The following JHY variants were observed in gnomAD, a reference collection of about 807,000 sequenced individuals.
JHY encodes jhy protein homolog.
In JHY, 69 loss-of-function variants were observed where a neutral mutation model predicts 78.0. The ratio of observed to expected loss-of-function variants is 0.88; its 90% CI spans 0.73 to 1.08. The LOEUF is 1.08. Ranked by LOEUF, JHY falls within the 50% of genes least tolerant of loss-of-function variation. The pLI, the probability that JHY is intolerant of heterozygous loss-of-function variation, is 0.00. For missense variants in JHY, 944 were observed against 927.8 expected (o/e 1.02, Z -0.23); for synonymous variants, 368 against 342.6 (o/e 1.07, Z -0.82).
chr11:122,952,067 A>G (rs951382350), intron 6 of JHY, among the ~76,000 whole-genome samples: 5 of 151,934 alleles, frequency 3.3e-5, no homozygotes, highest in African/African-American at 9.7e-5. Flanking sequence ...AAATCAAAGT[A>G]AATTCTGGGG....
chr11:122,952,679 C>T (rs1436205243), intron 6 of JHY, among the ~76,000 whole-genome samples: 4 of 152,160 alleles, frequency 2.6e-5, no homozygotes, highest in Admixed American at 6.5e-5. Flanking sequence ...ATTCATGCAT[C>T]ACAATGTGTC....
intron 3 of JHY, among the ~76,000 whole-genome samples, chr11:122,914,526 C>CT (rs1453429565): frequency 1.3e-5 from 2 of 152,120 alleles, no homozygotes; most frequent in Non-Finnish European, 2.9e-5. Context: ...CTCACTGCAA[C>CT]TTCCGCTTCC....
intron 3 of JHY, chr11:122,905,057 C>G (rs1245060703): frequency 4.8e-6 from 4 of 840,230 alleles, no homozygotes; most frequent in Non-Finnish European, 7.6e-6. Context: ...CTATAAACCC[C>G]ATTGAAAATC....
At chr11:122,957,650 C>T (rs1864221354) in intron 8 of JHY, among the ~76,000 whole-genome samples, 159 bp downstream of exon 8, 1 of 150,576 alleles carries the variant, frequency 6.6e-6, no homozygotes, top group Non-Finnish European at 1.5e-5. Flanking sequence ...CAAACTAAGC[C>T]TCCCCAAGTG....
intron 5 of JHY, among the ~76,000 whole-genome samples, chr11:122,937,307 C>G (rs536695097): frequency 1.2e-3 from 174 of 146,562 alleles, no homozygotes; most frequent in African/African-American, 4.2e-3. Flanking sequence ...TTAATTCTCT[C>G]TGTACATATA....
At chr11:122,958,790 A>G (rs1383200365) in intron 8 of JHY, 1 of 984,660 alleles carries the variant, frequency 1.0e-6, no homozygotes, top group Non-Finnish European at 1.2e-6. Flanking sequence ...GATCCTAGGA[A>G]CAAGAATAGC....
rs1862417969 is a variant in JHY at position 122,883,114 on chromosome 11, T to G, written c.-90+142T>G. On this transcript the variant is annotated intron_variant, in intron 1 of 8. Coordinates refer to ENST00000227349, the MANE Select transcript of JHY (RefSeq NM_024806.4). This position sits in a 1 kb window ranked among gnomAD's most constrained non-coding sequence, Gnocchi z 4.4. The stretch of plus-strand genomic sequence containing the variant: ...CGGCGCGGGAGCCTTCGGGACGGAG[T>G]GGGGAGCGACAAGGGGGCGAGGCCG... 1 of 151,504 alleles carries G rather than the reference T, an allele frequency of 6.6e-6. No homozygotes were observed. Among genetic ancestry groups the G allele is most frequent in the Non-Finnish European group, 1.5e-5 (1 of 68,282 alleles). The allele number at this position is 151,504 out of a possible 1,614,324, so 9.4% of individuals were successfully genotyped here.
In JHY at chr11:122,963,726, C is replaced by T. The variant is rs1864357101; in HGVS notation, c.*4281C>T. 6.6e-6 allele frequency among the ~76,000 whole-genome samples: 1 copy of T among 152,052 alleles called. No homozygotes were observed. The highest frequency in any genetic ancestry group is 6.5e-5 in the Admixed American group (1 of 15,270). ...AAAAAATAATCTGCCAATTAGAAAA[C>T]AAAAAACTTCAAACTTAAGTGATGT... On this transcript the variant is annotated 3_prime_UTR_variant, in exon 9 of 9. Transcript: ENST00000227349.
At chr11:122,918,214 T>C (rs1395045573) in intron 3 of JHY, among the ~76,000 whole-genome samples, 3 of 151,490 alleles carry the variant, frequency 2.0e-5, no homozygotes, top group Admixed American at 2.0e-4. Flanking sequence ...CATACATTTA[T>C]TGAGAGATGA....
At chr11:122,924,827 G>A in intron 3 of JHY, 70 bp from the exon 4 acceptor site, 9 of 1,250,980 alleles carry the variant, frequency 7.2e-6, no homozygotes, top group Non-Finnish European at 1.2e-6. Context: ...AGAGTGCACA[G>A]ACTTGAGTCC....
intron 2 of JHY, among the ~76,000 whole-genome samples, chr11:122,897,310 G>A (rs932362472): frequency 2.0e-5 from 3 of 151,666 alleles, no homozygotes; most frequent in African/African-American, 4.8e-5. Flanking sequence ...CTGAAGTTTC[G>A]ACCTCCTGGG....
rs113958711 is a variant in JHY at position 122,934,376 on chromosome 11, G to C, written c.979-44G>C. 7.6e-5 allele frequency: 84 copies of C among 1,106,158 alleles called. No homozygotes were observed. In the African/African-American group the frequency reaches 1.1e-3, roughly 15 times the overall value. The allele number at this position is 1,106,158 out of a possible 1,614,324, so 68.5% of individuals were successfully genotyped here. On this transcript the variant is annotated intron_variant, in intron 4 of 8. Transcript: ENST00000227349. Reference sequence around the variant, plus strand: ...AATAATAAAATAAAATTTGTGAAGAGTGCCAGTCTTCTAATTTTACATTAA... The same window carrying C: ...AATAATAAAATAAAATTTGTGAAGACTGCCAGTCTTCTAATTTTACATTAA...
intron 2 of JHY, among the ~76,000 whole-genome samples, chr11:122,886,779 C>T (rs904880999): frequency 3.9e-5 from 6 of 152,036 alleles, no homozygotes; most frequent in African/African-American, 9.7e-5. Context: ...CACTTTTTCT[C>T]GTCTGTCAAA....
intron 3 of JHY, among the ~76,000 whole-genome samples, chr11:122,916,330 T>C (rs1863233702): frequency 6.6e-6 from 1 of 152,192 alleles, no homozygotes; most frequent in South Asian, 2.1e-4. Context: ...AATACAATTT[T>C]GTTTTAAATT....
intron 3 of JHY, 123 bp downstream of exon 3, chr11:122,904,567 A>G: frequency 1.8e-6 from 2 of 1,105,352 alleles, no homozygotes; most frequent in South Asian, 3.1e-5. Context: ...AGCTGGGTAA[A>G]ACAAACGCTT....
At position 122,935,205 on chromosome 11, in the gene JHY, C is replaced by G. The variant is rs73013697; in HGVS notation, c.1634+130C>G. 8.1e-3 allele frequency: 5,997 copies of G among 740,288 alleles called. 52 individuals are homozygous for G. Among genetic ancestry groups the G allele is most frequent in the Non-Finnish European group, 8.2e-3 (3,948 of 479,888 alleles). 45.9% of individuals were successfully genotyped at this position (740,288 alleles called of 1,614,324 possible). ...GTGAGAAGAAGAGTTCACCTAACAA[C>G]TTCCTTAGCTCTGATTCCTGCCTCA... On this transcript the variant is annotated intron_variant, in intron 5 of 8. Coordinates refer to ENST00000227349, the MANE Select transcript of JHY (RefSeq NM_024806.4). The surrounding 1 kb of genome is among the most constrained non-coding windows in gnomAD (Gnocchi z 4.5).
At chr11:122,946,127 G>T (rs60440590) in intron 5 of JHY, among the ~76,000 whole-genome samples, 1 of 152,020 alleles carries the variant, frequency 6.6e-6, no homozygotes, top group Non-Finnish European at 1.5e-5. Flanking sequence ...CCTTTTGTTC[G>T]TTTTGGTCTT....
Position 122,898,535 on chromosome 11 carries a change from T to C in JHY, c.345-5390T>C, listed in dbSNP as rs3107623. ...AAACATTCCCTAGATCATCAAACAG[T>C]AACACGTGCTCCCTTTCCACATCCC... On this transcript the variant is annotated intron_variant, in intron 2 of 8. Transcript: ENST00000227349. The surrounding 1 kb of genome is among the most constrained non-coding windows in gnomAD (Gnocchi z 4.4). Among the ~76,000 whole-genome samples, 5,239 of 152,276 alleles carry C rather than the reference T, an allele frequency of 0.034. 398 individuals are homozygous for C. The highest frequency in any genetic ancestry group is 0.33 in the East Asian group (1,724 of 5,170).
At chr11:122,948,837 G>A (rs769055653) in intron 6 of JHY, among the ~76,000 whole-genome samples, 24 of 151,936 alleles carry the variant, frequency 1.6e-4, no homozygotes, top group Non-Finnish European at 3.1e-4. Flanking sequence ...TGTAATCCCA[G>A]CACTTTGGAA....
Sources: gnomAD v4.1 joint callset for allele counts (sites outside exome capture counted in the v4.1 genomes callset) on GRCh38, gnomAD v4.1.1 for gene constraint, Gnocchi (gnomAD v3.1) non-coding constraint, MANE v1.5 for transcripts, NCBI Gene and HGNC (gene_info 2026-07-23, HGNC 2026-07-21) for gene names.